The following CHM variants were observed in gnomAD, a reference collection of about 807,000 sequenced individuals.
CHM encodes rab proteins geranylgeranyltransferase component A 1.
A neutral mutation model predicts 49.0 loss-of-function variants in CHM; 10 were observed. The observed-to-expected ratio is 0.20, with a 90% confidence interval of 0.13 to 0.35. CHM has a LOEUF of 0.35. Ranked by LOEUF, CHM falls within the 10% of genes least tolerant of loss-of-function variation. The pLI is 1.00. For synonymous variants in CHM, 184 were observed against 167.5 expected (o/e 1.10, Z -0.76); for missense variants, 455 against 478.4 (o/e 0.95, Z 0.46).
intron 8 of CHM, among the ~76,000 whole-genome samples, chrX:85,914,984 T>A (rs1305291963): frequency 9.1e-6 from 1 of 109,409 alleles, no homozygotes; most frequent in Non-Finnish European, 1.9e-5. Context: ...AGGAAGCCAA[T>A]GAAATAAACC....
In CHM at chrX:86,040,988, G is replaced by A. The variant is rs193034595; in HGVS notation, c.49+6496C>T. ...ACTTTTTAGTTAAAGAATGCACTGA[G>A]ACTGAATAGCAGATGATTTAGCATG... On this transcript the variant is annotated intron_variant, in intron 1 of 14. Coordinates refer to ENST00000357749, the MANE Select transcript of CHM (RefSeq NM_000390.4). Among the ~76,000 whole-genome samples, 455 of 112,138 alleles carry A rather than the reference G, an allele frequency of 4.1e-3. 1 individual carries two copies. The highest frequency in any genetic ancestry group is 0.014 in the African/African-American group (426 of 30,864).
chrX:85,910,834 A>C (rs1569409674), intron 9 of CHM, among the ~76,000 whole-genome samples: 1 of 107,534 alleles, frequency 9.3e-6, no homozygotes, highest in Non-Finnish European at 1.9e-5. Context: ...ATGAAAATCA[A>C]TTAGAGGAGG....
intron 8 of CHM, among the ~76,000 whole-genome samples, chrX:85,924,478 T>G (rs1036103840): frequency 1.8e-5 from 2 of 111,738 alleles, no homozygotes; most frequent in Non-Finnish European, 3.8e-5. Flanking sequence ...ATACAAGTAT[T>G]GCTGTGAAGG....
chrX:85,920,102 AT>A (rs754844812), intron 8 of CHM, among the ~76,000 whole-genome samples: 18 of 104,593 alleles, frequency 1.7e-4, no homozygotes, highest in East Asian at 3.0e-4. Flanking sequence ...TTTTATTTTT[AT>A]TTTTTTTTTT....
chrX:85,981,197 T>C (rs1488667264), intron 3 of CHM, among the ~76,000 whole-genome samples: 1 of 60,630 alleles, frequency 1.6e-5, no homozygotes, highest in Non-Finnish European at 3.5e-5. Context: ...TCAACCAACA[T>C]TTCTATTTCT....
rs774819685 is a variant in CHM at position 85,986,003 on chromosome X, A to G, written c.117-4194T>C. Among the ~76,000 whole-genome samples the G allele has an allele frequency of 8.1e-5, 9 of 111,229 alleles. No homozygotes were observed. In the South Asian group the frequency reaches 3.4e-3, roughly 43 times the overall value. ...AAAGCCTCTCTGCCACTGCCTCTGC[A>G]GCAGACTTCCCTTGCTACCCTTGGA... On this transcript the variant is annotated intron_variant, in intron 2 of 14. Transcript: ENST00000357749.
intron 2 of CHM, among the ~76,000 whole-genome samples, chrX:86,022,291 G>C (rs535634545): frequency 8.9e-6 from 1 of 112,084 alleles, no homozygotes; most frequent in South Asian, 3.8e-4. Context: ...ATGACAGATA[G>C]AGCTGGGGAA....
chrX:86,045,469 A>C (rs1934619284), intron 1 of CHM, among the ~76,000 whole-genome samples: 1 of 110,533 alleles, frequency 9.0e-6, no homozygotes, highest in Admixed American at 9.6e-5. Context: ...AGAATGTGTC[A>C]CCAATAAACA....
At chrX:85,937,813 C>A (rs781664230) in intron 8 of CHM, among the ~76,000 whole-genome samples, 2 of 101,302 alleles carry the variant, frequency 2.0e-5, no homozygotes, top group East Asian at 6.2e-4. Flanking sequence ...CACTGCACTG[C>A]AGCCTGGGAA....
At chrX:86,043,733 CTTTT>C (rs112150895) in intron 1 of CHM, among the ~76,000 whole-genome samples, 175 of 101,563 alleles carry the variant, frequency 1.7e-3, no homozygotes, top group African/African-American at 6.3e-3. Flanking sequence ...GCCAATGAAA[CTTTT>C]TTTTTTTTTT....
chrX:86,000,448 G>A (rs1484449202), intron 2 of CHM, among the ~76,000 whole-genome samples: 1 of 99,602 alleles, frequency 1.0e-5, no homozygotes, highest in African/African-American at 3.6e-5. Context: ...CAGTATGGAG[G>A]GTCCTCAAAA....
At chrX:85,972,353 C>T (rs1272842331) in intron 4 of CHM, among the ~76,000 whole-genome samples, 7 of 113,615 alleles carry the variant, frequency 6.2e-5, no homozygotes, top group East Asian at 2.8e-4. Flanking sequence ...CCGCGCCATG[C>T]GCTCACACTC....
intron 2 of CHM, among the ~76,000 whole-genome samples, chrX:86,021,079 C>CACACATATATAT (rs1351119939): frequency 1.1e-5 from 1 of 91,582 alleles, no homozygotes; most frequent in African/African-American, 4.0e-5. Flanking sequence ...CATATATATA[C>CACACATATATAT]ACACATATAT....
intron 8 of CHM, among the ~76,000 whole-genome samples, chrX:85,912,115 G>A (rs1200709643): frequency 1.8e-5 from 2 of 111,747 alleles, no homozygotes; most frequent in South Asian, 3.8e-4. Context: ...ATTACACTGT[G>A]TATTTATTAA....
chrX:85,871,664 T>C (rs989007706), intron 14 of CHM, among the ~76,000 whole-genome samples: 7 of 111,624 alleles, frequency 6.3e-5, no homozygotes, highest in Non-Finnish European at 1.1e-4. Flanking sequence ...CTGTATAGCA[T>C]GTTACCTCTG....
intron 2 of CHM, among the ~76,000 whole-genome samples, chrX:86,018,459 A>C (rs1184214150): frequency 1.8e-5 from 2 of 112,220 alleles, no homozygotes; most frequent in Non-Finnish European, 3.8e-5. Flanking sequence ...AACTCTGCAA[A>C]ATAGCTTGGC....
intron 8 of CHM, among the ~76,000 whole-genome samples, chrX:85,939,907 C>T (rs1026720568): frequency 1.8e-5 from 2 of 111,743 alleles, no homozygotes; most frequent in African/African-American, 6.5e-5. Flanking sequence ...TAATAAGATT[C>T]AAAGAAAGGA....
chrX:85,873,038 A>G lies in CHM; in HGVS notation c.1770+14T>C. The G allele has an allele frequency of 1.7e-6, 2 of 1,201,865 alleles. No homozygotes were observed. Among genetic ancestry groups the G allele is most frequent in the Non-Finnish European group, 2.3e-6 (2 of 888,660 alleles). ...ACATCTTAATACAAAACTGAGAAAC[A>G]TCAAGAGCCTTACCTGTTTGACTGC... On this transcript the variant is annotated intron_variant, in intron 14 of 14. Transcript: ENST00000357749.
intron 8 of CHM, among the ~76,000 whole-genome samples, chrX:85,926,932 T>C (rs764454889): frequency 8.9e-6 from 1 of 112,341 alleles, no homozygotes; most frequent in Admixed American, 9.5e-5. Flanking sequence ...TAACAGTTAT[T>C]TGCCATTTAA....
Sources: allele counts gnomAD v4.1 joint callset (sites outside exome capture counted in the v4.1 genomes callset), GRCh38; gene constraint gnomAD v4.1.1; transcripts MANE v1.5; gene names NCBI Gene and HGNC (gene_info 2026-07-23, HGNC 2026-07-21).